Variants in ZNF841 observed in about 807,000 individuals in gnomAD.
The protein encoded by ZNF841 is zinc finger protein 841.
ZNF841 carries 11 observed loss-of-function variants against 13.0 expected under a neutral mutation model. The observed-to-expected ratio is 0.85, with a 90% confidence interval of 0.53 to 1.40. ZNF841 has a LOEUF of 1.40. Ranked by LOEUF, ZNF841 falls within the 40% of genes most tolerant of loss-of-function variation. ZNF841 has a pLI of 0.00. For synonymous variants in ZNF841, 369 were observed against 381.6 expected, an observed-to-expected ratio of 0.97 and a Z score of 0.38; for missense variants, 1,068 against 1,139.5, an observed-to-expected ratio of 0.94 and a Z score of 0.90.
At position 52,066,853 on chromosome 19, in the gene ZNF841, T is replaced by C; in HGVS notation, c.1029A>G (p.Lys343=). Residue 343 remains lysine (K), a synonymous_variant, in exon 7 of 7, where the codon AAA becomes AAG. Coordinates refer to ENST00000594440, the MANE Select transcript of ZNF841 (RefSeq NM_001136499.2). ...VNHRRSHTGD[K]PYICNECGKS... is the part of the protein sequence containing the mutation. ...TGCCACATTCATTACATATGTAGGG[T>C]TTGTCTCCAGTGTGACTTCTCCGGT... The C allele has an allele frequency of 1.2e-6, 2 of 1,614,196 alleles. No individual in the cohort carries two copies. Among genetic ancestry groups the C allele is most frequent in the South Asian group, 2.2e-5 (2 of 91,080 alleles).
intron 6 of ZNF841, among the ~76,000 whole-genome samples, chr19:52,070,738 G>A (rs1345013671): frequency 1.3e-5 from 2 of 152,194 alleles, no homozygotes; most frequent in Non-Finnish European, 2.9e-5. Context: ...CATGAATAAC[G>A]AACGGTATCT....
At chr19:52,076,199 T>C (rs780400965) in intron 5 of ZNF841, 27 bp from the exon 6 acceptor site, 10 of 1,547,304 alleles carry the variant, frequency 6.5e-6, no homozygotes, top group East Asian at 4.9e-5. Flanking sequence ...AAAGAAGATG[T>C]CCCACGGTTT....
chr19:52,076,919 A>C lies in ZNF841; in HGVS notation c.142+39T>G, dbSNP rs769823950. On this transcript the variant is annotated intron_variant, in intron 5 of 6. Transcript: ENST00000594440. ...CAATAAGGAAAGTACAAAAATGCACAAGGGAAGATCCTAACTTCTGGAGGA... is the reference window on the plus strand; with the variant it reads ...CAATAAGGAAAGTACAAAAATGCACCAGGGAAGATCCTAACTTCTGGAGGA... 3 of 1,605,526 alleles carry C rather than the reference A, an allele frequency of 1.9e-6. No individual in the cohort carries two copies. In the South Asian group the frequency reaches 3.3e-5, roughly 18 times the overall value.
chr19:52,064,827 T>C lies in ZNF841; in HGVS notation c.*280A>G. 4.5e-6 allele frequency: 1 copy of C among 220,182 alleles called. No individual in the cohort carries two copies. Among genetic ancestry groups the C allele is most frequent in the Non-Finnish European group, 8.9e-6 (1 of 111,912 alleles). The allele number at this position is 220,182 out of a possible 1,614,324, so 13.6% of individuals were successfully genotyped here. ...TTTTGTATTTTTGGCAGAAACAGGG[T>C]TTCACCATGTTGGCCAGGCTGCTCT... On this transcript the variant is annotated 3_prime_UTR_variant, in exon 7 of 7. Coordinates refer to ENST00000594440, the MANE Select transcript of ZNF841 (RefSeq NM_001136499.2).
chr19:52,085,292 G>C (rs147858838), intron 3 of ZNF841, among the ~76,000 whole-genome samples: 8 of 152,304 alleles, frequency 5.3e-5, no homozygotes, highest in African/African-American at 1.9e-4. Context: ...AAACAATATG[G>C]AGGTTGAGTC....
intron 2 of ZNF841, among the ~76,000 whole-genome samples, chr19:52,093,376 C>A (rs1380781107): frequency 6.6e-6 from 1 of 152,070 alleles, no homozygotes; most frequent in Admixed American, 6.5e-5. Flanking sequence ...CACTAAAAGA[C>A]AATTACTGTA....
chr19:52,075,490 T>C (rs1429229613), intron 6 of ZNF841, among the ~76,000 whole-genome samples: 1 of 151,972 alleles, frequency 6.6e-6, no homozygotes, highest in African/African-American at 2.4e-5. Context: ...AAAGAAGAAC[T>C]AAGAAAATGG....
chr19:52,066,022 G>T lies in ZNF841; in HGVS notation c.1860C>A (p.Thr620=), dbSNP rs760181616. The T allele has an allele frequency of 6.2e-7, 1 of 1,612,988 alleles. No individual in the cohort carries two copies. The highest frequency in any genetic ancestry group is 8.5e-7 in the Non-Finnish European group (1 of 1,179,674). ...GNLSIHRRSH[T]GEKPFQCNEC... Reference sequence around the variant, plus strand: ...CGTTACACTGGAAAGGTTTCTCTCCGGTATGACTTCGCCTATGAATTGAAA... The same window carrying T: ...CGTTACACTGGAAAGGTTTCTCTCCTGTATGACTTCGCCTATGAATTGAAA... The change falls in exon 7 of 7, where the codon ACC becomes ACA. Residue 620 remains threonine (T), a synonymous_variant. Coordinates refer to ENST00000594440, the MANE Select transcript of ZNF841 (RefSeq NM_001136499.2).
chr19:52,079,475 A>T (rs1393412271), intron 4 of ZNF841, among the ~76,000 whole-genome samples: 1 of 151,212 alleles, frequency 6.6e-6, no homozygotes, highest in Non-Finnish European at 1.5e-5. Context: ...TTAAGGAAAA[A>T]TATTTCACCC....
the ZNF841 span, among the ~76,000 whole-genome samples, chr19:52,059,390 T>TACACACAC: frequency 3.1e-5 from 3 of 96,354 alleles, no homozygotes; most frequent in African/African-American, 1.2e-4. Context: ...TATATATATA[T>TACACACAC]ACACACACAC....
intron 2 of ZNF841, among the ~76,000 whole-genome samples, chr19:52,091,232 T>A (rs2088487813): frequency 6.6e-6 from 1 of 152,190 alleles, no homozygotes; most frequent in Admixed American, 6.5e-5. Context: ...GTTCATAGAT[T>A]GTAAGAATAT....
At position 52,065,463 on chromosome 19, in the gene ZNF841, T is replaced by C. The variant is rs374436504; in HGVS notation, c.2419A>G (p.Ile807Val). ...TGCATCATCTGATGATTAAGCAGAA[T>C]TGAACGTACTCTAAAGGCTTTGCCA... is the stretch of plus-strand genomic sequence containing the variant. ...ECGKAFRVRS[I>V]LLNHQMMHTG... Residue 807 changes from isoleucine to valine, a missense_variant, in exon 7 of 7, where the codon ATT becomes GTT. Coordinates refer to ENST00000594440, the MANE Select transcript of ZNF841 (RefSeq NM_001136499.2). 531 of 1,613,882 alleles carry C rather than the reference T, an allele frequency of 3.3e-4. No homozygotes were observed. Among genetic ancestry groups the C allele is most frequent in the East Asian group, 8.0e-4 (36 of 44,886 alleles).
At chr19:52,077,207 G>C in intron 4 of ZNF841, 123 bp from the exon 5 acceptor site, 1 of 1,103,744 alleles carries the variant, frequency 9.1e-7, no homozygotes, top group Non-Finnish European at 1.2e-6. Flanking sequence ...TCCATTAAAA[G>C]TATCTGTGAG....
chr19:52,073,653 TCA>T (rs1600087325), intron 6 of ZNF841, among the ~76,000 whole-genome samples: 2 of 152,016 alleles, frequency 1.3e-5, no homozygotes, highest in East Asian at 3.8e-4. Context: ...TGCTTGAGCA[TCA>T]CGAAAAAAAT....
downstream of ZNF841, among the ~76,000 whole-genome samples, chr19:52,060,395 GT>G (rs1327218858): frequency 6.6e-6 from 1 of 152,214 alleles, no homozygotes; most frequent in African/African-American, 2.4e-5. Context: ...ACACTTGCAA[GT>G]TTCTGGCCAG....
chr19:52,085,005 T>TAATAAACTCCTA (rs1234679215), intron 3 of ZNF841, 127 bp from the exon 4 acceptor site: 1 of 586,304 alleles, frequency 1.7e-6, no homozygotes, highest in African/African-American at 1.9e-5. Context: ...GATGCAAGCA[T>TAATAAACTCCTA]AATAAACTCC....
chr19:52,093,631 G>A (rs541770454), intron 2 of ZNF841, among the ~76,000 whole-genome samples: 1 of 152,258 alleles, frequency 6.6e-6, no homozygotes, highest in South Asian at 2.1e-4. Context: ...TTCAAAAAAT[G>A]ATGGCACTTA....
At chr19:52,071,561 G>A (rs978904258) in intron 6 of ZNF841, among the ~76,000 whole-genome samples, 15 of 152,070 alleles carry the variant, frequency 9.9e-5, no homozygotes, top group African/African-American at 3.4e-4. Flanking sequence ...AAAGTATCCT[G>A]GGATATCAAA....
At position 52,064,938 on chromosome 19, in the gene ZNF841, T is replaced by C. The variant is rs926561947; in HGVS notation, c.*169A>G. On this transcript the variant is annotated 3_prime_UTR_variant, in exon 7 of 7. Coordinates refer to ENST00000594440, the MANE Select transcript of ZNF841 (RefSeq NM_001136499.2). ...CATGAGCCAGACCTCATGAGAACTA[T>C]CACAAGGACAGCAACAAGGGGATGG... The C allele has an allele frequency of 1.9e-6, 1 of 539,062 alleles. No individual in the cohort carries two copies. Among genetic ancestry groups the C allele is most frequent in the Non-Finnish European group, 3.2e-6 (1 of 316,276 alleles). The allele number at this position is 539,062 out of a possible 1,614,324, so 33.4% of individuals were successfully genotyped here.
Sources: allele counts gnomAD v4.1 joint callset (sites outside exome capture counted in the v4.1 genomes callset), GRCh38; gene constraint gnomAD v4.1.1; transcripts MANE v1.5; gene names NCBI Gene and HGNC (gene_info 2026-07-23, HGNC 2026-07-21).